NALCN: variants seen among roughly 807,000 people sequenced by gnomAD.
NALCN encodes the protein sodium leak channel NALCN.
In NALCN, 111 loss-of-function variants were observed where a neutral mutation model predicts 225.3. The observed-to-expected ratio is 0.49, with a 90% CI of 0.42 to 0.58. The LOEUF is 0.58. NALCN is among the 20% of genes least tolerant of loss of function. The probability of loss-of-function intolerance (pLI) is 0.00; values close to 1 mark genes in which losing one functional copy is unlikely to be tolerated. For synonymous variants in NALCN, 764 were observed against 769.0 expected, an observed-to-expected ratio of 0.99 and a Z score of 0.11; for missense variants, 1,378 against 2,202.4, an observed-to-expected ratio of 0.63 and a Z score of 7.49.
chr13:101,317,585 A>T (rs2044596614), intron 7 of NALCN, among the ~76,000 whole-genome samples: 1 of 152,154 alleles, frequency 6.6e-6, no homozygotes, highest in African/African-American at 2.4e-5. Flanking sequence ...GGTCAATTGC[A>T]TCTTCTAACA....
At chr13:101,168,207 C>T (rs1176487025) in intron 15 of NALCN, among the ~76,000 whole-genome samples, 1 of 152,074 alleles carries the variant, frequency 6.6e-6, no homozygotes. Flanking sequence ...ATTTATTACC[C>T]CTTAGGGAAC....
intron 13 of NALCN, among the ~76,000 whole-genome samples, chr13:101,214,033 G>A (rs931993431): frequency 6.6e-5 from 10 of 152,266 alleles, no homozygotes; most frequent in African/African-American, 2.2e-4. Flanking sequence ...GCAAAGACTT[G>A]GAACCAACCC....
At chr13:101,231,502 AG>A (rs1268205025) in intron 12 of NALCN, among the ~76,000 whole-genome samples, 5 of 152,238 alleles carry the variant, frequency 3.3e-5, no homozygotes, top group African/African-American at 1.2e-4. Context: ...ATTAAGTCTA[AG>A]ATGTCACCAA....
chr13:101,115,975 T>A (rs921067682), intron 18 of NALCN, among the ~76,000 whole-genome samples: 1 of 152,134 alleles, frequency 6.6e-6, no homozygotes, highest in Admixed American at 6.6e-5. Flanking sequence ...AATGAAGTCT[T>A]TTGTCTTGTC....
intron 27 of NALCN, among the ~76,000 whole-genome samples, chr13:101,098,167 C>A (rs556098224): frequency 1.3e-5 from 2 of 152,244 alleles, no homozygotes; most frequent in South Asian, 4.2e-4. Flanking sequence ...TCAAATCCCA[C>A]CTCCTCCCTG....
chr13:101,133,487 T>G (rs1358862836), intron 17 of NALCN, among the ~76,000 whole-genome samples: 2 of 152,218 alleles, frequency 1.3e-5, no homozygotes, highest in African/African-American at 4.8e-5. Flanking sequence ...GTGTAATTAT[T>G]GTAACGAGCC....
intron 15 of NALCN, among the ~76,000 whole-genome samples, chr13:101,161,371 G>C (rs1270822615): frequency 6.6e-6 from 1 of 152,198 alleles, no homozygotes; most frequent in African/African-American, 2.4e-5. Flanking sequence ...TTGTATGCTA[G>C]TGTTTCTTAA....
chr13:101,070,758 A>G (rs1002248236), intron 37 of NALCN, among the ~76,000 whole-genome samples: 1 of 152,192 alleles, frequency 6.6e-6, no homozygotes, highest in Non-Finnish European at 1.5e-5. Context: ...TTCCATTTAT[A>G]GAGCACAGGC....
At chr13:101,099,979 G>A (rs751983345) in intron 27 of NALCN, among the ~76,000 whole-genome samples, 3 of 152,124 alleles carry the variant, frequency 2.0e-5, no homozygotes, top group Admixed American at 1.3e-4. Flanking sequence ...TGAAGCTACC[G>A]AAATATTGGG....
At chr13:101,220,611 AT>A (rs986187653) in intron 13 of NALCN, among the ~76,000 whole-genome samples, 3 of 152,216 alleles carry the variant, frequency 2.0e-5, no homozygotes, top group Non-Finnish European at 2.9e-5. Context: ...CAGCTGCTGA[AT>A]AACTGATTAG....
chr13:101,115,719 A>G (rs2035677890), intron 18 of NALCN, among the ~76,000 whole-genome samples: 1 of 152,118 alleles, frequency 6.6e-6, no homozygotes, highest in Non-Finnish European at 1.5e-5. Context: ...CCCAGAGTAA[A>G]GGCAAGGCTA....
intron 43 of NALCN, 126 bp from the exon 44 acceptor site, chr13:101,055,614 G>C: frequency 1.5e-6 from 1 of 677,110 alleles, no homozygotes; most frequent in Non-Finnish European, 2.4e-6. Context: ...CAGATGCTAA[G>C]TAAACATCCT....
At chr13:101,251,286 G>A (rs969950157) in intron 11 of NALCN, among the ~76,000 whole-genome samples, 1 of 151,938 alleles carries the variant, frequency 6.6e-6, no homozygotes, top group African/African-American at 2.4e-5. Flanking sequence ...TGCTTCAATC[G>A]ACATGAATCA....
chr13:101,202,373 C>T (rs1489138199), intron 13 of NALCN, among the ~76,000 whole-genome samples: 1 of 152,004 alleles, frequency 6.6e-6, no homozygotes, highest in African/African-American at 2.4e-5. Context: ...AATAAAAGCT[C>T]CAGAAGCCAC....
intron 10 of NALCN, among the ~76,000 whole-genome samples, chr13:101,281,375 A>T (rs895681442): frequency 1.3e-5 from 2 of 152,192 alleles, no homozygotes; most frequent in Non-Finnish European, 2.9e-5. Flanking sequence ...AGACTATCTT[A>T]GTGTCTAGCA....
intron 9 of NALCN, 84 bp from the exon 10 acceptor site, chr13:101,284,103 A>T (rs1400597089): frequency 7.7e-6 from 9 of 1,165,776 alleles, no homozygotes; most frequent in African/African-American, 1.6e-5. Flanking sequence ...GTATATTTTT[A>T]TGTTATCAAA....
chr13:101,071,558 T>C (rs2032888985), intron 37 of NALCN, among the ~76,000 whole-genome samples: 1 of 152,212 alleles, frequency 6.6e-6, no homozygotes, highest in Admixed American at 6.5e-5. Context: ...CTCACCTCTC[T>C]CACCCTTCAT....
At chr13:101,245,760 G>A (rs1287304063) in intron 11 of NALCN, among the ~76,000 whole-genome samples, 1 of 152,146 alleles carries the variant, frequency 6.6e-6, no homozygotes, top group Non-Finnish European at 1.5e-5. Flanking sequence ...AACTTTCCAT[G>A]CCTGAGTAGC....
At chr13:101,119,045 A>C (rs1194059206) in intron 18 of NALCN, among the ~76,000 whole-genome samples, 1 of 152,222 alleles carries the variant, frequency 6.6e-6, no homozygotes, top group Admixed American at 6.5e-5. Context: ...AACTTTCCAA[A>C]TGGGAAAAAG....
Sources: allele counts gnomAD v4.1 joint callset (sites outside exome capture counted in the v4.1 genomes callset), GRCh38; gene constraint gnomAD v4.1.1; transcripts MANE v1.5; gene names NCBI Gene and HGNC (gene_info 2026-07-23, HGNC 2026-07-21).